The following KPNA3 variants were observed in gnomAD, a reference collection of about 807,000 sequenced individuals.
KPNA3 encodes karyopherin subunit alpha 3, also known as importin subunit alpha-4.
KPNA3 carries 13 observed loss-of-function variants against 73.8 expected under a neutral mutation model. The observed-to-expected ratio is 0.18, with a 90% CI of 0.11 to 0.28. The LOEUF (loss-of-function observed/expected upper bound fraction) is 0.28, where lower values mean the gene tolerates loss of function less well. Ranked by LOEUF, KPNA3 falls within the 10% of genes least tolerant of loss-of-function variation. The pLI, the probability that KPNA3 is intolerant of heterozygous loss-of-function variation, is 1.00. For missense variants in KPNA3, 360 were observed against 618.1 expected (o/e 0.58, Z 4.43); for synonymous variants, 186 against 206.9 (o/e 0.90, Z 0.87).
In KPNA3 at chr13:49,700,488, C is replaced by A. The variant is rs1954137241; in HGVS notation, c.*1312G>T. ...CAATTTACCAAAAGCAATAACTTGA[C>A]ATAGTAATACCGGATTTTGCAGAAT... On this transcript the variant is annotated 3_prime_UTR_variant, in exon 17 of 17. Transcript: ENST00000261667. 1 of 152,636 alleles carries A rather than the reference C, an allele frequency of 6.6e-6. No homozygotes were observed. The allele number at this position is 152,636 out of a possible 1,614,324, so 9.5% of individuals were successfully genotyped here. A position where few individuals can be genotyped will look rare whatever the true frequency, so the allele number is the denominator to read the frequency against.
intron 7 of KPNA3, among the ~76,000 whole-genome samples, chr13:49,724,361 C>A (rs574089580): frequency 6.6e-6 from 1 of 150,936 alleles, no homozygotes; most frequent in Non-Finnish European, 1.5e-5. Flanking sequence ...TGGAGTGCAG[C>A]GGCACGATCT....
chr13:49,727,765 T>G (rs1566340752), intron 6 of KPNA3, among the ~76,000 whole-genome samples: 1 of 152,132 alleles, frequency 6.6e-6, no homozygotes. Flanking sequence ...GTCATCAATC[T>G]GAAAAGAGCC....
chr13:49,787,376 T>C (rs1032548666), intron 1 of KPNA3, among the ~76,000 whole-genome samples: 2 of 152,250 alleles, frequency 1.3e-5, no homozygotes, highest in African/African-American at 4.8e-5. Context: ...GCAATTTCTG[T>C]GATATAGTCG....
intron 1 of KPNA3, among the ~76,000 whole-genome samples, chr13:49,789,327 T>C (rs998919398): frequency 1.3e-4 from 20 of 152,190 alleles, no homozygotes; most frequent in African/African-American, 4.8e-4. Context: ...ATATTTCCTA[T>C]AAGATTCACT....
chr13:49,740,586 G>A (rs1011779961), intron 2 of KPNA3, among the ~76,000 whole-genome samples: 2 of 152,124 alleles, frequency 1.3e-5, no homozygotes, highest in Admixed American at 6.5e-5. Context: ...CATATGGGAT[G>A]TGCCTTTCAC....
At chr13:49,788,728 TTTTTTTTTTTA>T (rs1031044301) in intron 1 of KPNA3, among the ~76,000 whole-genome samples, 2 of 106,408 alleles carry the variant, frequency 1.9e-5, no homozygotes, top group African/African-American at 6.5e-5. Flanking sequence ...TTTTTTTTTT[TTTTTTTTTTTA>T]AAAAAAAAAA....
At chr13:49,737,953 T>C (rs1316788774) in intron 2 of KPNA3, among the ~76,000 whole-genome samples, 1 of 152,232 alleles carries the variant, frequency 6.6e-6, no homozygotes, top group Non-Finnish European at 1.5e-5. Flanking sequence ...GTTTCTTTTA[T>C]GGATTAGGCT....
At chr13:49,787,257 G>C (rs1039088253) in intron 1 of KPNA3, among the ~76,000 whole-genome samples, 1 of 152,140 alleles carries the variant, frequency 6.6e-6, no homozygotes, top group Non-Finnish European at 1.5e-5. Flanking sequence ...CAACCAACTG[G>C]CTCCTTGCTG....
At chr13:49,788,659 TTATAGTGAG>T (rs1955004399) in intron 1 of KPNA3, among the ~76,000 whole-genome samples, 3 of 150,780 alleles carry the variant, frequency 2.0e-5, no homozygotes, top group African/African-American at 7.3e-5. Context: ...GAGGCGAAGG[TTATAGTGAG>T]CCGAGATTGG....
chr13:49,792,200 G>A (rs1350829759), intron 1 of KPNA3, among the ~76,000 whole-genome samples: 1 of 151,880 alleles, frequency 6.6e-6, no homozygotes, highest in South Asian at 2.1e-4. Flanking sequence ...CCCGCGTGAC[G>A]GGGCCGAAAA....
At chr13:49,709,736 T>TTG in intron 11 of KPNA3, 36 bp from the exon 12 acceptor site, 2 of 1,591,546 alleles carry the variant, frequency 1.3e-6, no homozygotes, top group Non-Finnish European at 1.7e-6. Flanking sequence ...ATAAATTTAT[T>TTG]TGCTTATAAG....
intron 6 of KPNA3, among the ~76,000 whole-genome samples, chr13:49,727,416 C>G (rs991625431): frequency 6.7e-6 from 1 of 148,898 alleles, no homozygotes; most frequent in African/African-American, 2.5e-5. Flanking sequence ...CCACTGCACT[C>G]CAGCCTGGGC....
At chr13:49,755,215 T>A (rs1210848871) in intron 1 of KPNA3, among the ~76,000 whole-genome samples, 1 of 152,176 alleles carries the variant, frequency 6.6e-6, no homozygotes, top group Admixed American at 6.5e-5. Context: ...TGAAAATCAA[T>A]CAATATAAAC....
intron 10 of KPNA3, among the ~76,000 whole-genome samples, chr13:49,714,518 A>T (rs887472240): frequency 1.3e-5 from 2 of 152,166 alleles, no homozygotes; most frequent in Non-Finnish European, 2.9e-5. Context: ...AAGAGTGCTT[A>T]AACAAGCCAA....
At chr13:49,769,093 A>C (rs899827237) in intron 1 of KPNA3, among the ~76,000 whole-genome samples, 1 of 152,178 alleles carries the variant, frequency 6.6e-6, no homozygotes, top group Non-Finnish European at 1.5e-5. Context: ...AGTACCTTTA[A>C]AGAAAAATTA....
intron 1 of KPNA3, among the ~76,000 whole-genome samples, chr13:49,762,126 G>A (rs1418233260): frequency 2.6e-5 from 3 of 114,634 alleles, no homozygotes; most frequent in South Asian, 3.0e-4. Flanking sequence ...GCCCCCGCCC[G>A]GCCAGCCTCC....
At chr13:49,761,014 C>T (rs183537247) in intron 1 of KPNA3, among the ~76,000 whole-genome samples, 1 of 152,122 alleles carries the variant, frequency 6.6e-6, no homozygotes, top group East Asian at 1.9e-4. Flanking sequence ...AAAAGAATTC[C>T]TATATTTTAA....
intron 1 of KPNA3, among the ~76,000 whole-genome samples, chr13:49,747,393 G>A (rs1954626265): frequency 6.6e-6 from 1 of 151,040 alleles, no homozygotes; most frequent in Admixed American, 6.6e-5. Flanking sequence ...ATTTGAGTTA[G>A]AAGTCATTTA....
chr13:49,715,630 T>C (rs1954297429), intron 10 of KPNA3, among the ~76,000 whole-genome samples: 1 of 152,030 alleles, frequency 6.6e-6, no homozygotes, highest in Non-Finnish European at 1.5e-5. Flanking sequence ...AGAAAAGATA[T>C]AAGAATAAGG....
Sources: allele counts gnomAD v4.1 joint callset (sites outside exome capture counted in the v4.1 genomes callset), GRCh38; gene constraint gnomAD v4.1.1; transcripts MANE v1.5; gene names NCBI Gene and HGNC (gene_info 2026-07-23, HGNC 2026-07-21).